Variants in ALOX15 observed in about 807,000 individuals in gnomAD.
The protein encoded by ALOX15 is arachidonate 15-lipoxygenase.
A neutral mutation model predicts 71.7 loss-of-function variants in ALOX15; 68 were observed. The observed-to-expected ratio is 0.95, with a 90% CI of 0.78 to 1.16. The LOEUF is 1.16. Among genes scored for constraint, ALOX15 ranks in the 50% most tolerant of loss-of-function variants. The pLI is 0.00. For synonymous variants in ALOX15, 346 were observed against 333.3 expected (o/e 1.04, Z -0.42); for missense variants, 798 against 818.8 (o/e 0.97, Z 0.31).
chr17:4,639,205 C>T, intron 2 of ALOX15, 73 bp from the exon 3 acceptor site: 1 of 1,568,388 alleles, frequency 6.4e-7, no homozygotes, highest in Non-Finnish European at 8.8e-7. Context: ...AGGAGAGCCT[C>T]AGCACCCCGT....
At position 4,632,049 on chromosome 17, in the gene ALOX15, C is replaced by A. The variant is rs1041613338; in HGVS notation, c.1649G>T (p.Trp550Leu). The A allele has an allele frequency of 2.5e-6, 4 of 1,611,186 alleles. No homozygotes were observed. Among genetic ancestry groups the A allele is most frequent in the Non-Finnish European group, 3.4e-6 (4 of 1,178,496 alleles). The part of the protein sequence containing the change: ...HASVHLGQLD[W>L]YSWVPNAPCT... ...GGGTGCATTAGGCACCCAAGAGTAC[C>A]AGTCCAGCTAAGGAAGGGCAGGGAT... The change falls in exon 13 of 14, where the codon TGG becomes TTG. Residue 550 changes from tryptophan (W) to leucine (L), a missense_variant. This residue lies in a region of ALOX15 where 490 missense variants were observed against 509.4 expected (regional missense o/e 0.96). Coordinates refer to ENST00000293761, the MANE Select transcript of ALOX15 (RefSeq NM_001140.5).
At chr17:4,637,945 G>A (rs1911156668) in intron 6 of ALOX15, among the ~76,000 whole-genome samples, 1 of 151,950 alleles carries the variant, frequency 6.6e-6, no homozygotes, top group Admixed American at 6.6e-5. Context: ...CACACTCCCC[G>A]AATCCCTAGC....
At chr17:4,638,737 TGAC>T (rs1911206525) in intron 4 of ALOX15, 53 bp from the exon 5 acceptor site, 2 of 1,613,480 alleles carry the variant, frequency 1.2e-6, no homozygotes, top group African/African-American at 1.3e-5. Context: ...GGCTCTAACA[TGAC>T]GACCACAGGC....
chr17:4,635,248 T>G (rs1242336526), intron 8 of ALOX15, among the ~76,000 whole-genome samples: 1 of 151,538 alleles, frequency 6.6e-6, no homozygotes, highest in East Asian at 2.0e-4. Context: ...CTGGCCAACA[T>G]GGTGAAATCC....
At chr17:4,640,436 G>A (rs1264459169) in intron 1 of ALOX15, among the ~76,000 whole-genome samples, 8 of 146,242 alleles carry the variant, frequency 5.5e-5, no homozygotes, top group Non-Finnish European at 8.9e-5. Flanking sequence ...CCAGAGCTGT[G>A]TGGAATGAGG....
At chr17:4,638,123 C>G (rs1372256979) in intron 6 of ALOX15, 94 bp downstream of exon 6, 1 of 585,860 alleles carries the variant, frequency 1.7e-6, no homozygotes, top group East Asian at 2.9e-5. Context: ...TGGCTGGCAG[C>G]AAGCCAGGCC....
rs11078528 is a variant in ALOX15 at position 4,639,422 on chromosome 17, G to T, written c.337+8C>A. Reference sequence around the variant, plus strand: ...GAGGCCTCCTGACACCCTCAGCCCCGCGCTTACCGGTGCCTTCAGGCAGGC... The same window carrying T: ...GAGGCCTCCTGACACCCTCAGCCCCTCGCTTACCGGTGCCTTCAGGCAGGC... On this transcript the variant is annotated splice_region_variant and intron_variant, in intron 2 of 13. Coordinates refer to ENST00000293761, the MANE Select transcript of ALOX15 (RefSeq NM_001140.5). The T allele has an allele frequency of 6.2e-7, 1 of 1,606,466 alleles. No individual in the cohort carries two copies. The highest frequency in any genetic ancestry group is 1.1e-5 in the South Asian group (1 of 90,872).
In ALOX15 at chr17:4,635,825, G is replaced by C. The variant is rs776506646; in HGVS notation, c.1095C>G (p.His365Gln). Reference protein sequence around the residue: ...HELQSHLLRGHLMAEVIVVAT... With the variant: ...HELQSHLLRGQLMAEVIVVAT... ...CCACAACAATGACCTCAGCCATCAAGTGTCCCCTCAGAAGATGAGACTGCA... is the reference window on the plus strand; with the variant it reads ...CCACAACAATGACCTCAGCCATCAACTGTCCCCTCAGAAGATGAGACTGCA... Residue 365 changes from histidine (H) to glutamine (Q), a missense_variant, in exon 8 of 14, where the codon CAC becomes CAG. Around this residue, in one of 3 missense-constraint regions of ALOX15, gnomAD observed 490 missense variants for 509.4 expected, o/e 0.96. Transcript: ENST00000293761. The C allele has an allele frequency of 6.2e-7, 1 of 1,614,266 alleles. No homozygotes were observed. Among genetic ancestry groups the C allele is most frequent in the Non-Finnish European group, 8.5e-7 (1 of 1,180,052 alleles).
At position 4,631,320 on chromosome 17, in the gene ALOX15, A is replaced by G. The variant is rs925894036; in HGVS notation, c.*280T>C. 36 of 467,124 alleles carry G rather than the reference A, an allele frequency of 7.7e-5. No homozygotes were observed. In the East Asian group the frequency reaches 9.7e-4, roughly 13 times the overall value. 28.9% of individuals were successfully genotyped at this position (467,124 alleles called of 1,614,324 possible). A position where few individuals can be genotyped will look rare whatever the true frequency, so the allele number is the denominator to read the frequency against. On this transcript the variant is annotated 3_prime_UTR_variant, in exon 14 of 14. Transcript: ENST00000293761. Reference sequence around the variant, plus strand: ...CTATTCTAGTCTTGAAATGATTTATATAATTGTGGCTATTTGCCATATAGA... The same window carrying G: ...CTATTCTAGTCTTGAAATGATTTATGTAATTGTGGCTATTTGCCATATAGA...
rs376504352 is a variant in ALOX15 at position 4,637,205 on chromosome 17, G to A, written c.861C>T (p.Asn287=). Residue 287 remains asparagine (N), a synonymous_variant, in exon 7 of 14, where the codon AAC becomes AAT. Transcript: ENST00000293761. ...DFSLLDGIKA[N]VILCSQQHLA... ...GGTGCTGCTGGCTACAGAGAATGACGTTGGCCTTGATCCCATCCAGCAGGG... is the reference window on the plus strand; with the variant it reads ...GGTGCTGCTGGCTACAGAGAATGACATTGGCCTTGATCCCATCCAGCAGGG... 5.6e-6 allele frequency: 9 copies of A among 1,613,890 alleles called. No homozygotes were observed. The highest frequency in any genetic ancestry group is 2.7e-5 in the African/African-American group (2 of 74,920).
rs1430902251 is a variant in ALOX15, at chr17:4,631,568, T to C, written c.*32A>G. ...AGGGGTCAGCTTGTGGCTTGGGTGA[T>C]GGGGGCTGAAATAACCAAAGGGTGG... On this transcript the variant is annotated 3_prime_UTR_variant, in exon 14 of 14. Transcript: ENST00000293761. 1 of 1,609,070 alleles carries C rather than the reference T, an allele frequency of 6.2e-7. No homozygotes were observed. Among genetic ancestry groups the C allele is most frequent in the Non-Finnish European group, 8.5e-7 (1 of 1,178,802 alleles).
Position 4,632,926 on chromosome 17 carries a change from T to C in ALOX15, c.1475A>G (p.Asp492Gly). Reference sequence around the variant, plus strand: ...TCGACACCAGGTCTGCAGCTCTGGGTCGTCTTTCACAGCCACGTCTGTCTT... The same window carrying C: ...TCGACACCAGGTCTGCAGCTCTGGGCCGTCTTTCACAGCCACGTCTGTCTT... ...HYKTDVAVKD[D>G]PELQTWCREI... The change falls in exon 11 of 14, where the codon GAC becomes GGC. Residue 492 changes from aspartate to glycine, a missense_variant. Transcript: ENST00000293761. 6.2e-7 allele frequency: 1 copy of C among 1,614,046 alleles called. No homozygotes were observed. Among genetic ancestry groups the C allele is most frequent in the Non-Finnish European group, 8.5e-7 (1 of 1,179,990 alleles).
intron 2 of ALOX15, 46 bp from the exon 3 acceptor site, chr17:4,639,178 C>G: frequency 1.2e-6 from 2 of 1,605,698 alleles, no homozygotes; most frequent in Non-Finnish European, 1.7e-6. Flanking sequence ...TGGTGAGCGC[C>G]TCTTCTTGTC....
intron 7 of ALOX15, 42 bp downstream of exon 7, chr17:4,637,073 C>T (rs1195474511): frequency 6.3e-7 from 1 of 1,580,878 alleles, no homozygotes; most frequent in Non-Finnish European, 8.6e-7. Flanking sequence ...TGAGCTTTCT[C>T]AAAAGCCAGA....
rs763008416 is a variant in ALOX15, at chr17:4,632,195, C to T, written c.1627G>A (p.Val543Met). Residue 543 changes from valine (V) to methionine (M), a missense_variant, in exon 12 of 14, where the codon GTG becomes ATG. Around this residue, in one of 3 missense-constraint regions of ALOX15, gnomAD observed 490 missense variants for 509.4 expected, o/e 0.96. Transcript: ENST00000293761. ...IFTCTGQHAS[V>M]HLGQLDWYSW... ...CTGGTAAGTACCTGGCCCAGGTGCA[C>T]AGAGGCGTGTTGGCCGGTGCAGGTG... 6.2e-7 allele frequency: 1 copy of T among 1,614,194 alleles called. No homozygotes were observed.
rs771509196 is a variant in ALOX15, at chr17:4,639,543, G to A, written c.224C>T (p.Ala75Val). 1 of 1,613,906 alleles carries A rather than the reference G, an allele frequency of 6.2e-7. No individual in the cohort carries two copies. Among genetic ancestry groups the A allele is most frequent in the Non-Finnish European group, 8.5e-7 (1 of 1,179,978 alleles). The part of the protein sequence containing the change: ...LRKRHLLKDD[A>V]WFCNWISVQG... ...CACAGAGATCCAGTTGCAGAACCAG[G>A]CGTCGTCCTTAAGGAGGTGCCGTTT... Residue 75 changes from alanine (A) to valine (V), a missense_variant, in exon 2 of 14, where the codon GCC (alanine) becomes GTC (valine). Ala to Val is a moderately conservative substitution (Grantham distance 64, BLOSUM62 0). Around this residue, in one of 3 missense-constraint regions of ALOX15, gnomAD observed 300 missense variants for 283.1 expected, o/e 1.06. Transcript: ENST00000293761.
Position 4,638,661 on chromosome 17 carries a change from T to C in ALOX15, c.566A>G (p.Asp189Gly). The C allele has an allele frequency of 6.2e-7, 1 of 1,613,946 alleles. No individual in the cohort carries two copies. Among genetic ancestry groups the C allele is most frequent in the East Asian group, 2.2e-5 (1 of 44,876 alleles). ...CCAGCAAGTCAGAACATTTAGAGAG[T>C]CTTTGATAGCGAGGTCGGCCAGCCT... is the stretch of plus-strand genomic sequence containing the variant. Reference protein sequence around the residue: ...AKGLADLAIKDSLNVLTCWKD... With the variant: ...AKGLADLAIKGSLNVLTCWKD... Residue 189 changes from aspartate (D) to glycine (G), a missense_variant, in exon 5 of 14, where the codon GAC (aspartate) becomes GGC (glycine). Asp to Gly is a moderately conservative substitution (Grantham distance 94). Coordinates refer to ENST00000293761, the MANE Select transcript of ALOX15 (RefSeq NM_001140.5).
In ALOX15 at chr17:4,633,245, G is replaced by C. The variant is rs779781592; in HGVS notation, c.1319C>G (p.Ser440Cys). The change falls in exon 10 of 14, where the codon TCC (serine) becomes TGC (cysteine). Residue 440 changes from serine to cysteine, a missense_variant. Physicochemically the swap from Ser to Cys is moderately radical, Grantham distance 112. Transcript: ENST00000293761. ...KQAGAFLTYS[S>C]FCPPDDLADR... ...GGCCAAGTCATCAGGGGGACAGAAG[G>C]AGCTGTAGGTTAGGAAGGCTCCAGC... 3 of 1,614,198 alleles carry C rather than the reference G, an allele frequency of 1.9e-6. No individual in the cohort carries two copies. The highest frequency in any genetic ancestry group is 2.5e-6 in the Non-Finnish European group (3 of 1,180,040).
Position 4,638,890 on chromosome 17 carries a change from C to G in ALOX15, c.502G>C (p.Glu168Gln), listed in dbSNP as rs1332545250. Reference sequence around the variant, plus strand: ...ACCTCAAAGTCAACTCTCTTGTCTTCCAGAAATCGCTCATCCACAGGGAGG... The same window carrying G: ...ACCTCAAAGTCAACTCTCTTGTCTTGCAGAAATCGCTCATCCACAGGGAGG... The part of the protein sequence containing the change: ...YDLPVDERFL[E>Q]DKRVDFEVSL... The change falls in exon 4 of 14, where the codon GAA becomes CAA. Residue 168 changes from glutamate (E) to glutamine (Q), a missense_variant. Coordinates refer to ENST00000293761, the MANE Select transcript of ALOX15 (RefSeq NM_001140.5). The G allele has an allele frequency of 6.2e-7, 1 of 1,614,248 alleles. No individual in the cohort carries two copies. The highest frequency in any genetic ancestry group is 8.5e-7 in the Non-Finnish European group (1 of 1,180,046).
Sources: allele counts gnomAD v4.1 joint callset (sites outside exome capture counted in the v4.1 genomes callset), GRCh38; gene constraint gnomAD v4.1.1; regional missense constraint gnomAD v4.1.1; transcripts MANE v1.5; gene names NCBI Gene and HGNC (gene_info 2026-07-23, HGNC 2026-07-21).